The following CEP83 variants were observed in gnomAD, a reference collection of about 807,000 sequenced individuals.
The protein encoded by CEP83 is centrosomal protein 83.
A neutral mutation model predicts 101.9 loss-of-function variants in CEP83; 70 were observed. The ratio of observed to expected loss-of-function variants is 0.69; its 90% CI spans 0.57 to 0.84. The LOEUF (loss-of-function observed/expected upper bound fraction) is 0.84. CEP83 is among the 40% of genes least tolerant of loss of function. CEP83 has a pLI of 0.00. For synonymous variants in CEP83, 264 were observed against 267.9 expected (o/e 0.99, Z 0.14); for missense variants, 715 against 787.2 (o/e 0.91, Z 1.10).
At chr12:94,325,689 A>C (rs1023507212) in intron 14 of CEP83, among the ~76,000 whole-genome samples, 3 of 152,218 alleles carry the variant, frequency 2.0e-5, no homozygotes, top group African/African-American at 7.2e-5. Context: ...CTCGTAGGGA[A>C]GACAGTCTGA....
chr12:94,313,205 A>G (rs1052994575), intron 14 of CEP83, 188 bp from the exon 15 acceptor site: 28 of 351,956 alleles, frequency 8.0e-5, no homozygotes, highest in Non-Finnish European at 3.1e-5. Flanking sequence ...AAATCTATCT[A>G]ATATTCTCAA....
intron 14 of CEP83, among the ~76,000 whole-genome samples, chr12:94,329,145 G>A (rs1197575880): frequency 1.3e-5 from 2 of 152,058 alleles, no homozygotes; most frequent in African/African-American, 4.8e-5. Flanking sequence ...ATTTTAAAAA[G>A]TAAAATGACT....
At chr12:94,282,465 T>G in the CEP83 span, 1 of 1,074,860 alleles carries the variant, frequency 9.3e-7, no homozygotes, top group Non-Finnish European at 1.4e-6. Context: ...ATGGACATTC[T>G]TTTAAAACAT....
chr12:94,401,758 C>T (rs993044043), intron 5 of CEP83, among the ~76,000 whole-genome samples: 5 of 151,976 alleles, frequency 3.3e-5, no homozygotes, highest in Non-Finnish European at 7.4e-5. Context: ...ATATACTTTG[C>T]TTTGATTTAA....
chr12:94,425,479 T>A (rs1015660383), intron 2 of CEP83, among the ~76,000 whole-genome samples: 1 of 152,268 alleles, frequency 6.6e-6, no homozygotes, highest in African/African-American at 2.4e-5. Context: ...TTAGGAACTA[T>A]CCCCATGTTC....
intron 11 of CEP83, among the ~76,000 whole-genome samples, chr12:94,349,870 T>C (rs1039584093): frequency 2.0e-5 from 3 of 152,068 alleles, no homozygotes; most frequent in African/African-American, 7.2e-5. Context: ...CAATGAATAC[T>C]ATGAAAAGGA....
intron 7 of CEP83, among the ~76,000 whole-genome samples, chr12:94,376,509 CTTTT>C (rs2061543180): frequency 6.6e-6 from 1 of 151,948 alleles, no homozygotes; most frequent in East Asian, 1.9e-4. Context: ...CATCTGCAGA[CTTTT>C]TAAGTACGAG....
the CEP83 span, among the ~76,000 whole-genome samples, chr12:94,289,324 GC>G: frequency 1.1e-4 from 16 of 152,120 alleles, no homozygotes; most frequent in Non-Finnish European, 7.3e-5. Context: ...ACGTGGGGTG[GC>G]CCCAATTCCC....
intron 2 of CEP83, among the ~76,000 whole-genome samples, chr12:94,430,487 T>C (rs2138172909): frequency 6.7e-6 from 1 of 148,354 alleles, no homozygotes; most frequent in East Asian, 2.0e-4. Context: ...ACAAAATACA[T>C]TTGAAAGCTT....
At chr12:94,444,543 G>A (rs2066657414) in intron 1 of CEP83, among the ~76,000 whole-genome samples, 1 of 152,186 alleles carries the variant, frequency 6.6e-6, no homozygotes, top group South Asian at 2.1e-4. Context: ...AATTAGAGAT[G>A]CACAAACATT....
chr12:94,311,725 T>C (rs1969897175), intron 15 of CEP83, among the ~76,000 whole-genome samples: 1 of 152,012 alleles, frequency 6.6e-6, no homozygotes, highest in African/African-American at 2.4e-5. Flanking sequence ...TAGGAAAAAA[T>C]GACATGGAGA....
the CEP83 span, chr12:94,294,505 T>C: frequency 1.5e-6 from 2 of 1,321,912 alleles, no homozygotes; most frequent in Non-Finnish European, 1.1e-6. Flanking sequence ...GGATCCACTA[T>C]AAAAGTCTTT....
Position 94,376,018 on chromosome 12 carries a change from C to A in CEP83, c.802-1G>T. ...GTAAATTAGCTGATTGTTTTTCAGC[C>A]TTTCATACAAACAAAATAGTTTAAA... On this transcript the variant is annotated splice_acceptor_variant, in intron 7 of 16. Transcript: ENST00000397809. LOFTEE classifies it high-confidence loss of function. 1 of 1,539,902 alleles carries A rather than the reference C, an allele frequency of 6.5e-7. No homozygotes were observed. Among genetic ancestry groups the A allele is most frequent in the South Asian group, 1.3e-5 (1 of 76,774 alleles).
intron 6 of CEP83, among the ~76,000 whole-genome samples, chr12:94,393,730 A>G (rs1445069814): frequency 6.6e-6 from 1 of 152,184 alleles, no homozygotes; most frequent in African/African-American, 2.4e-5. Context: ...AAACTCCATC[A>G]TCTCAGCCCC....
At chr12:94,440,611 T>C (rs916225955) in intron 1 of CEP83, among the ~76,000 whole-genome samples, 10 of 151,836 alleles carry the variant, frequency 6.6e-5, no homozygotes, top group Admixed American at 2.6e-4. Context: ...ATGACCATAC[T>C]GCCAAGAGCA....
chr12:94,430,968 T>C (rs2065576953), intron 2 of CEP83, among the ~76,000 whole-genome samples: 1 of 152,236 alleles, frequency 6.6e-6, no homozygotes, highest in Admixed American at 6.5e-5. Context: ...GGAGTAGCTA[T>C]ACATATATCT....
Position 94,375,439 on chromosome 12 carries a change from G to C in CEP83, c.933+447C>G, listed in dbSNP as rs536065479. Among the ~76,000 whole-genome samples, 5 of 152,236 alleles carry C rather than the reference G, an allele frequency of 3.3e-5. 1 individual carries two copies. Among genetic ancestry groups the C allele is most frequent in the African/African-American group, 1.2e-4 (5 of 41,542 alleles). On this transcript the variant is annotated intron_variant, in intron 8 of 16. Transcript: ENST00000397809. Reference sequence around the variant, plus strand: ...CCAAAGGGAGCAAAGTGAACAGGAGGAAAAATACAGGTCATGGCTGTGAAA... The same window carrying C: ...CCAAAGGGAGCAAAGTGAACAGGAGCAAAAATACAGGTCATGGCTGTGAAA...
chr12:94,412,693 C>CCT (rs746204203), intron 2 of CEP83, 102 bp from the exon 3 acceptor site: 28 of 213,900 alleles, frequency 1.3e-4, no homozygotes, highest in Non-Finnish European at 2.0e-4. Flanking sequence ...TTTTTTTTTT[C>CCT]TTTTTTTTTT....
At chr12:94,423,939 G>T in intron 2 of CEP83, 1 of 1,612,114 alleles carries the variant, frequency 6.2e-7, no homozygotes, top group South Asian at 1.1e-5. Context: ...AGATGGCCCA[G>T]TTGCTGGGTA....
Sources: gnomAD v4.1 joint callset for allele counts (sites outside exome capture counted in the v4.1 genomes callset) on GRCh38, gnomAD v4.1.1 for gene constraint, MANE v1.5 for transcripts, NCBI Gene and HGNC (gene_info 2026-07-23, HGNC 2026-07-21) for gene names.